Variants in FOXF1 observed in about 807,000 individuals in gnomAD.
FOXF1 encodes forkhead box F1, also known as forkhead box protein F1.
In FOXF1, 9 loss-of-function variants were observed where a neutral mutation model predicts 26.6. The ratio of observed to expected loss-of-function variants is 0.34; its 90% CI spans 0.20 to 0.59. The LOEUF (loss-of-function observed/expected upper bound fraction) is 0.59. Among genes scored for constraint, FOXF1 ranks in the 20% least tolerant of loss-of-function variants. The pLI, the probability that FOXF1 is intolerant of heterozygous loss-of-function variation, is 0.83. For synonymous variants in FOXF1, 330 were observed against 257.7 expected (o/e 1.28, Z -2.69); for missense variants, 499 against 549.9 (o/e 0.91, Z 0.93).
Position 86,513,656 on chromosome 16 carries a change from C to T in FOXF1, c.*571C>T, listed in dbSNP as rs145102947. 1,730 of 153,866 alleles carry T rather than the reference C, an allele frequency of 0.011. 8 individuals are homozygous for T. Among genetic ancestry groups the T allele is most frequent in the African/African-American group, 0.022 (934 of 41,534 alleles). The allele number at this position is 153,866 out of a possible 1,614,324, so 9.5% of individuals were successfully genotyped here. A position where few individuals can be genotyped will look rare whatever the true frequency, so the allele number is the denominator to read the frequency against. On this transcript the variant is annotated 3_prime_UTR_variant, in exon 2 of 2. Coordinates refer to ENST00000262426, the MANE Select transcript of FOXF1 (RefSeq NM_001451.3). Reference sequence around the variant, plus strand: ...CAGATCTCCCTCCCGATCTCCCTCCCCACCTCCGAAGTCTCCTCCGTGGAC... The same window carrying T: ...CAGATCTCCCTCCCGATCTCCCTCCTCACCTCCGAAGTCTCCTCCGTGGAC...
chr16:86,512,595 G>T (rs922212902), intron 1 of FOXF1, among the ~76,000 whole-genome samples: 1 of 152,252 alleles, frequency 6.6e-6, no homozygotes, highest in African/African-American at 2.4e-5. Context: ...GGCCATGGGC[G>T]TTAGGGGCCC....
Position 86,513,231 on chromosome 16 carries a change from T to C in FOXF1, c.*146T>C. On this transcript the variant is annotated 3_prime_UTR_variant, in exon 2 of 2. Coordinates refer to ENST00000262426, the MANE Select transcript of FOXF1 (RefSeq NM_001451.3). Reference sequence around the variant, plus strand: ...CCCAACCGGAGTTTTTGGCAAGGAGTCCCCAATGCAAAGACACAGCGCTGC... The same window carrying C: ...CCCAACCGGAGTTTTTGGCAAGGAGCCCCCAATGCAAAGACACAGCGCTGC... 2 of 762,612 alleles carry C rather than the reference T, an allele frequency of 2.6e-6. No homozygotes were observed. Among genetic ancestry groups the C allele is most frequent in the Non-Finnish European group, 4.3e-6 (2 of 468,442 alleles). 47.2% of individuals were successfully genotyped at this position (762,612 alleles called of 1,614,324 possible). A position where few individuals can be genotyped will look rare whatever the true frequency, so the allele number is the denominator to read the frequency against.
chr16:86,510,569 G>C lies in FOXF1; in HGVS notation c.-1G>C, dbSNP rs988917498. The C allele has an allele frequency of 7.4e-6, 10 of 1,356,674 alleles. No individual in the cohort carries two copies. The highest frequency in any genetic ancestry group is 8.5e-6 in the Non-Finnish European group (9 of 1,060,342). The allele number at this position is 1,356,674 out of a possible 1,614,324, so 84.0% of individuals were successfully genotyped here. ...GCGGCGGCGGCGGCAGCAGCCACCC[G>C]ATGTCTTCGGCGCCCGAGAAGCAGC... On this transcript the variant is annotated 5_prime_UTR_variant, in exon 1 of 2. Transcript: ENST00000262426.
intron 1 of FOXF1, among the ~76,000 whole-genome samples, chr16:86,512,660 G>T (rs537519383): frequency 1.3e-5 from 2 of 151,568 alleles, no homozygotes; most frequent in South Asian, 4.1e-4. Context: ...CTGGGCCCCT[G>T]CACGGTGTCC....
At position 86,511,329 on chromosome 16, in the gene FOXF1, G is replaced by A. The variant is rs747243553; in HGVS notation, c.760G>A (p.Gly254Ser). ...CTCCCCGCTGCTGCCCACCGGCGCC[G>A]GTGGGGTCATGGAGCCGCACGCCGT... ...PASPLLPTGA[G>S]GVMEPHAVYS... The change falls in exon 1 of 2, where the codon GGT (glycine) becomes AGT (serine). Residue 254 changes from glycine (G) to serine (S), a missense_variant. Gly to Ser is a moderately conservative substitution (Grantham distance 56). Transcript: ENST00000262426. The A allele has an allele frequency of 6.6e-6, 10 of 1,526,082 alleles. No individual in the cohort carries two copies. The Admixed American group carries it at 1.8e-4, about 28-fold the overall frequency. The allele number at this position is 1,526,082 out of a possible 1,614,324, so 94.5% of individuals were successfully genotyped here. A position where few individuals can be genotyped will look rare whatever the true frequency, so the allele number is the denominator to read the frequency against.
chr16:86,510,531 A>G lies in FOXF1; in HGVS notation c.-39A>G. 1 of 1,285,542 alleles carries G rather than the reference A, an allele frequency of 7.8e-7. No homozygotes were observed. Among genetic ancestry groups the G allele is most frequent in the Non-Finnish European group, 9.8e-7 (1 of 1,019,152 alleles). The allele number at this position is 1,285,542 out of a possible 1,614,324, so 79.6% of individuals were successfully genotyped here. The stretch of plus-strand genomic sequence containing the variant: ...TCCTCCCGGCCCGTCCGCGGCGCAG[A>G]GCAGCGGCGGCAGCGGCGGCGGCGG... On this transcript the variant is annotated 5_prime_UTR_variant, in exon 1 of 2. Coordinates refer to ENST00000262426, the MANE Select transcript of FOXF1 (RefSeq NM_001451.3).
Position 86,511,441 on chromosome 16 carries a change from C to G in FOXF1, c.872C>G (p.Ser291Cys). The G allele has an allele frequency of 6.3e-7, 1 of 1,594,742 alleles. No individual in the cohort carries two copies. Among genetic ancestry groups the G allele is most frequent in the Non-Finnish European group, 8.5e-7 (1 of 1,178,512 alleles). Residue 291 changes from serine to cysteine, a missense_variant, in exon 1 of 2, where the codon TCC (serine) becomes TGC (cysteine). Ser to Cys is a moderately radical substitution (Grantham distance 112, BLOSUM62 -1). Coordinates refer to ENST00000262426, the MANE Select transcript of FOXF1 (RefSeq NM_001451.3). Reference protein sequence around the residue: ...GASYIKQQPLSPCNPAANPLS... With the variant: ...GASYIKQQPLCPCNPAANPLS... ...TCTTATATCAAGCAGCAGCCCCTGT[C>G]CCCCTGTAACCCCGCGGCCAACCCC...
rs760169565 is a variant in FOXF1 at position 86,511,475 on chromosome 16, C to T, written c.906C>T (p.Gly302=). 5.0e-6 allele frequency: 8 copies of T among 1,589,254 alleles called. No homozygotes were observed. Among genetic ancestry groups the T allele is most frequent in the Non-Finnish European group, 3.4e-6 (4 of 1,176,168 alleles). Residue 302 remains glycine, a synonymous_variant, in exon 1 of 2, where the codon GGC becomes GGT. Transcript: ENST00000262426. ...ACCCCGCGGCCAACCCCCTGTCCGG[C>T]AGCCTCTCCACGCACTCCCTGGAGC... is the stretch of plus-strand genomic sequence containing the variant. ...PCNPAANPLS[G]SLSTHSLEQP... is the part of the protein sequence containing the mutation.
At position 86,511,195 on chromosome 16, in the gene FOXF1, C is replaced by G; in HGVS notation, c.626C>G (p.Pro209Arg). ...GGCAACGTGGACGGCATGGCCCTGC[C>G]CAGCCACTCGGTGCCCCACCTGCCT... is the stretch of plus-strand genomic sequence containing the variant. Reference protein sequence around the residue: ...LPGNVDGMALPSHSVPHLPSN... With the variant: ...LPGNVDGMALRSHSVPHLPSN... Residue 209 changes from proline (P) to arginine (R), a missense_variant, in exon 1 of 2, where the codon CCC (proline) becomes CGC (arginine). This residue lies in a region of FOXF1 where 367 missense variants were observed against 324.8 expected (regional missense o/e 1.13). Transcript: ENST00000262426. 1 of 1,560,184 alleles carries G rather than the reference C, an allele frequency of 6.4e-7. No individual in the cohort carries two copies. Among genetic ancestry groups the G allele is most frequent in the Non-Finnish European group, 8.6e-7 (1 of 1,160,430 alleles).
In FOXF1 at chr16:86,513,268, C is replaced by T; in HGVS notation, c.*183C>T. ...AGACACAGCGCTGCGGTTGGCACCT[C>T]CTTCCTCACTCCTTCAAAATTGTTA... On this transcript the variant is annotated 3_prime_UTR_variant, in exon 2 of 2. Transcript: ENST00000262426. 1.6e-6 allele frequency: 1 copy of T among 619,068 alleles called. No individual in the cohort carries two copies. The highest frequency in any genetic ancestry group is 2.9e-6 in the Non-Finnish European group (1 of 350,630). The allele number at this position is 619,068 out of a possible 1,614,324, so 38.3% of individuals were successfully genotyped here. A position where few individuals can be genotyped will look rare whatever the true frequency, so the allele number is the denominator to read the frequency against.
chr16:86,514,515 G>A lies in FOXF1; in HGVS notation c.*1430G>A, dbSNP rs1209072605. Reference sequence around the variant, plus strand: ...TCCAGACTCCCAAAGATAGAGGGGGGAAAAAAGAAAAAACAGGCTTTGGAT... The same window carrying A: ...TCCAGACTCCCAAAGATAGAGGGGGAAAAAAAGAAAAAACAGGCTTTGGAT... On this transcript the variant is annotated 3_prime_UTR_variant, in exon 2 of 2. Coordinates refer to ENST00000262426, the MANE Select transcript of FOXF1 (RefSeq NM_001451.3). 2 of 151,866 alleles carry A rather than the reference G, an allele frequency of 1.3e-5. No homozygotes were observed. The highest frequency in any genetic ancestry group is 1.9e-4 in the East Asian group (1 of 5,188). 9.4% of individuals were successfully genotyped at this position (151,866 alleles called of 1,614,324 possible).
chr16:86,512,253 C>T (rs1227314556), intron 1 of FOXF1, among the ~76,000 whole-genome samples: 1 of 152,102 alleles, frequency 6.6e-6, no homozygotes, highest in African/African-American at 2.4e-5. Flanking sequence ...CATGCAGAAG[C>T]ATCTGCCAAG....
chr16:86,512,959 G>T lies in FOXF1; in HGVS notation c.1014G>T (p.Met338Ile). ...IPRYHSQSPS[M>I]CDRKEFVFSF... ...GGTATCACTCGCAGTCGCCCAGCATGTGTGACCGAAAGGAGTTTGTCTTCT... is the reference window on the plus strand; with the variant it reads ...GGTATCACTCGCAGTCGCCCAGCATTTGTGACCGAAAGGAGTTTGTCTTCT... Residue 338 changes from methionine (M) to isoleucine (I), a missense_variant, in exon 2 of 2, where the codon ATG becomes ATT. Met to Ile is a conservative substitution (Grantham distance 10, BLOSUM62 1). Coordinates refer to ENST00000262426, the MANE Select transcript of FOXF1 (RefSeq NM_001451.3). The T allele has an allele frequency of 6.2e-7, 1 of 1,614,170 alleles. No individual in the cohort carries two copies. The highest frequency in any genetic ancestry group is 8.5e-7 in the Non-Finnish European group (1 of 1,180,042).
chr16:86,512,161 G>A (rs1728699042), intron 1 of FOXF1, among the ~76,000 whole-genome samples: 1 of 152,234 alleles, frequency 6.6e-6, no homozygotes, highest in African/African-American at 2.4e-5. Flanking sequence ...TGCAGACCGG[G>A]CCATGGGGGC....
At chr16:86,512,280 C>T (rs902910257) in intron 1 of FOXF1, among the ~76,000 whole-genome samples, 4 of 152,184 alleles carry the variant, frequency 2.6e-5, no homozygotes, top group South Asian at 2.1e-4. Flanking sequence ...GCAGCAGCCT[C>T]GCCTCCTGAT....
Position 86,511,412 on chromosome 16 carries a change from C to T in FOXF1, c.843C>T (p.Gly281=). The T allele has an allele frequency of 1.9e-6, 3 of 1,592,706 alleles. No individual in the cohort carries two copies. The highest frequency in any genetic ancestry group is 1.1e-5 in the South Asian group (1 of 90,508). The change falls in exon 1 of 2, where the codon GGC becomes GGT. Residue 281 remains glycine, a synonymous_variant. Transcript: ENST00000262426. ...PPSASAALNS[G]ASYIKQQPLS... ...CGGCGTCCGCGGCGCTCAACAGCGG[C>T]GCCTCTTATATCAAGCAGCAGCCCC...
At position 86,512,942 on chromosome 16, in the gene FOXF1, T is replaced by A. The variant is rs1393686881; in HGVS notation, c.997T>A (p.Ser333Thr). 3.1e-6 allele frequency: 5 copies of A among 1,614,050 alleles called. No homozygotes were observed. The change falls in exon 2 of 2, where the codon TCG (serine) becomes ACG (threonine). Residue 333 changes from serine to threonine, a missense_variant. Around this residue, in one of 5 missense-constraint regions of FOXF1, gnomAD observed 367 missense variants for 324.8 expected, o/e 1.13. Transcript: ENST00000262426. ...AELQGIPRYHSQSPSMCDRKE... is the reference protein window; with the variant it reads ...AELQGIPRYHTQSPSMCDRKE... ...CCTTGCAGGCATCCCGCGGTATCACTCGCAGTCGCCCAGCATGTGTGACCG... is the reference window on the plus strand; with the variant it reads ...CCTTGCAGGCATCCCGCGGTATCACACGCAGTCGCCCAGCATGTGTGACCG...
chr16:86,513,316 A>T lies in FOXF1; in HGVS notation c.*231A>T. 1 of 563,412 alleles carries T rather than the reference A, an allele frequency of 1.8e-6. No homozygotes were observed. Among genetic ancestry groups the T allele is most frequent in the South Asian group, 2.0e-5 (1 of 49,534 alleles). 34.9% of individuals were successfully genotyped at this position (563,412 alleles called of 1,614,324 possible). A position where few individuals can be genotyped will look rare whatever the true frequency, so the allele number is the denominator to read the frequency against. ...TTAAGAAATGTTAGTGGTGGGTCTGATCTGACTGCAGCCATCGGTAAATAA... is the reference window on the plus strand; with the variant it reads ...TTAAGAAATGTTAGTGGTGGGTCTGTTCTGACTGCAGCCATCGGTAAATAA... On this transcript the variant is annotated 3_prime_UTR_variant, in exon 2 of 2. Coordinates refer to ENST00000262426, the MANE Select transcript of FOXF1 (RefSeq NM_001451.3).
chr16:86,512,922 C>T lies in FOXF1; in HGVS notation c.980-3C>T, dbSNP rs1233954223. ...CAACCCCTCCTGTCGCCTCGCCTTG[C>T]AGGCATCCCGCGGTATCACTCGCAG... On this transcript the variant is annotated splice_region_variant and splice_polypyrimidine_tract_variant and intron_variant, in intron 1 of 1. Transcript: ENST00000262426. The T allele has an allele frequency of 2.5e-6, 4 of 1,613,896 alleles. No individual in the cohort carries two copies. The highest frequency in any genetic ancestry group is 1.7e-5 in the Admixed American group (1 of 60,012).
Sources: gnomAD v4.1 joint callset for allele counts (sites outside exome capture counted in the v4.1 genomes callset) on GRCh38, gnomAD v4.1.1 for gene constraint, gnomAD v4.1.1 regional missense constraint, MANE v1.5 for transcripts, NCBI Gene and HGNC (gene_info 2026-07-23, HGNC 2026-07-21) for gene names.